The following MSRA variants were observed in gnomAD, a reference collection of about 807,000 sequenced individuals.
MSRA encodes the protein mitochondrial peptide methionine sulfoxide reductase.
Under a neutral mutation model 31.3 loss-of-function variants are expected in MSRA, and 54 were observed. That is an observed-to-expected ratio of 1.73 (90% CI 1.39 to 2.17). The LOEUF is 2.17. Ranked by LOEUF, MSRA falls within the 30% of genes most tolerant of loss-of-function variation. The pLI is 0.00. For missense variants in MSRA, 507 were observed against 300.9 expected (o/e 1.69, Z -5.07); for synonymous variants, 169 against 116.5 (o/e 1.45, Z -2.90).
At position 10,129,721 on chromosome 8, in the gene MSRA, A is replaced by C. The variant is rs78084161; in HGVS notation, c.142+75063A>C. On this transcript the variant is annotated intron_variant, in intron 1 of 5. Coordinates refer to ENST00000317173, the MANE Select transcript of MSRA (RefSeq NM_012331.5). ...TCCTTGAGCCCCTGGAGGTTCAAAA[A>C]AGCAAAGATACCAGTTATTAGGAAA... Among the ~76,000 whole-genome samples, 1,113 of 152,242 alleles carry C rather than the reference A, an allele frequency of 7.3e-3. 8 individuals are homozygous for C. The highest frequency in any genetic ancestry group is 0.012 in the Non-Finnish European group (784 of 68,024).
chr8:10,358,265 A>C (rs1465521981), intron 5 of MSRA, among the ~76,000 whole-genome samples: 1 of 152,180 alleles, frequency 6.6e-6, no homozygotes, highest in East Asian at 1.9e-4. Context: ...TTGGTTCTTA[A>C]AGATACAGAA....
chr8:10,311,028 G>C (rs1373084372), intron 4 of MSRA, among the ~76,000 whole-genome samples: 1 of 152,160 alleles, frequency 6.6e-6, no homozygotes, highest in Admixed American at 6.5e-5. Flanking sequence ...ATAAATTGCT[G>C]AAATGGTATG....
intron 5 of MSRA, among the ~76,000 whole-genome samples, chr8:10,389,889 A>G (rs1259768709): frequency 6.6e-6 from 1 of 151,908 alleles, no homozygotes; most frequent in Non-Finnish European, 1.5e-5. Context: ...TCATTCACAG[A>G]ATCGCCCATG....
chr8:10,098,418 G>C (rs544078625), intron 1 of MSRA, among the ~76,000 whole-genome samples: 2 of 152,178 alleles, frequency 1.3e-5, no homozygotes, highest in East Asian at 3.9e-4. Context: ...CTCAGGAAGC[G>C]TTAGTCCAGT....
intron 1 of MSRA, among the ~76,000 whole-genome samples, chr8:10,202,147 G>A (rs1352008878): frequency 6.6e-6 from 1 of 152,204 alleles, no homozygotes; most frequent in Non-Finnish European, 1.5e-5. Context: ...TGGTGGGTTA[G>A]GTTCCCAGGT....
intron 1 of MSRA, among the ~76,000 whole-genome samples, chr8:10,064,849 T>A (rs188402569): frequency 3.9e-4 from 60 of 152,306 alleles, no homozygotes; most frequent in African/African-American, 1.4e-3. Flanking sequence ...TTTAACAGAT[T>A]GTACCCAGAA....
At chr8:10,289,802 C>T (rs934829572) in intron 3 of MSRA, among the ~76,000 whole-genome samples, 2 of 152,162 alleles carry the variant, frequency 1.3e-5, no homozygotes, top group African/African-American at 4.8e-5. Context: ...CCTGTCTTTG[C>T]TTGGAGAGCC....
intron 3 of MSRA, among the ~76,000 whole-genome samples, chr8:10,291,293 G>T (rs539838543): frequency 5.3e-5 from 8 of 151,868 alleles, no homozygotes; most frequent in Non-Finnish European, 7.4e-5. Context: ...TCCCCATGGC[G>T]GGCCAACAAC....
At chr8:10,278,195 GTGGGGTTGCCAC>G (rs1252122109) in intron 3 of MSRA, among the ~76,000 whole-genome samples, 3 of 152,152 alleles carry the variant, frequency 2.0e-5, no homozygotes, top group African/African-American at 7.2e-5. Context: ...TACAGCAGGG[GTGGGGTTGCCAC>G]TTGGTCTGAG....
intron 2 of MSRA, among the ~76,000 whole-genome samples, chr8:10,219,718 A>G (rs985896039): frequency 6.8e-6 from 1 of 146,162 alleles, no homozygotes; most frequent in African/African-American, 2.5e-5. Context: ...AGGCAGGAGA[A>G]TGGGGTGAAC....
chr8:10,113,178 G>A (rs1034036406), intron 1 of MSRA, among the ~76,000 whole-genome samples: 2 of 151,906 alleles, frequency 1.3e-5, no homozygotes, highest in African/African-American at 2.4e-5. Context: ...GAATGTGCTG[G>A]AAGACAGGAG....
At chr8:10,318,339 T>G (rs1585452808) in intron 4 of MSRA, among the ~76,000 whole-genome samples, 1 of 152,128 alleles carries the variant, frequency 6.6e-6, no homozygotes, top group East Asian at 1.9e-4. Flanking sequence ...GGCAAAGACC[T>G]CGCACAGGGA....
At chr8:10,244,577 C>G (rs1797513930) in intron 2 of MSRA, among the ~76,000 whole-genome samples, 1 of 151,974 alleles carries the variant, frequency 6.6e-6, no homozygotes, top group Non-Finnish European at 1.5e-5. Context: ...TTATCACATG[C>G]AAGTTTATAG....
chr8:10,269,742 C>T (rs1050696919), intron 3 of MSRA, among the ~76,000 whole-genome samples: 1 of 152,216 alleles, frequency 6.6e-6, no homozygotes, highest in African/African-American at 2.4e-5. Flanking sequence ...GCTCCACCTC[C>T]CGGGGTTCAC....
chr8:10,223,082 T>C (rs1469231219), intron 2 of MSRA, among the ~76,000 whole-genome samples: 1 of 152,242 alleles, frequency 6.6e-6, no homozygotes, highest in East Asian at 1.9e-4. Context: ...AAAATTGTGT[T>C]TGTCAATTAA....
intron 5 of MSRA, among the ~76,000 whole-genome samples, chr8:10,390,868 C>T (rs924216023): frequency 3.3e-5 from 5 of 151,320 alleles, no homozygotes; most frequent in Admixed American, 6.6e-5. Context: ...CCCACCTACT[C>T]GGGAGGCTGA....
chr8:10,055,096 C>T (rs1167674355), intron 1 of MSRA, among the ~76,000 whole-genome samples: 1 of 152,158 alleles, frequency 6.6e-6, no homozygotes, highest in African/African-American at 2.4e-5. Context: ...GAGTGTTGTC[C>T]CGGGAAATGC....
At chr8:10,304,645 G>C (rs1399543654) in intron 4 of MSRA, among the ~76,000 whole-genome samples, 1 of 152,154 alleles carries the variant, frequency 6.6e-6, no homozygotes, top group Non-Finnish European at 1.5e-5. Flanking sequence ...AAATGAACTT[G>C]GCTATCACTC....
chr8:10,238,818 G>A lies in MSRA; in HGVS notation c.212-6286G>A, dbSNP rs890529999. On this transcript the variant is annotated intron_variant, in intron 2 of 5. Transcript: ENST00000317173. ...AAATTTTAAAGCTTCTGAAAATATA[G>A]GATATTATCTTTATCTTTATATATG... Among the ~76,000 whole-genome samples the A allele has an allele frequency of 5.3e-5, 8 of 152,078 alleles. No individual in the cohort carries two copies. In the South Asian group the frequency reaches 1.7e-3, roughly 32 times the overall value.
Sources: allele counts gnomAD v4.1 joint callset (sites outside exome capture counted in the v4.1 genomes callset), GRCh38; gene constraint gnomAD v4.1.1; transcripts MANE v1.5; gene names NCBI Gene and HGNC (gene_info 2026-07-23, HGNC 2026-07-21).